Variants in NALF1 observed in about 807,000 individuals in gnomAD.
The protein encoded by NALF1 is family with sequence similarity 155 member A.
Under a neutral mutation model 48.4 loss-of-function variants are expected in NALF1, and 3 were observed. The ratio of observed to expected loss-of-function variants is 0.06; its 90% CI spans 0.03 to 0.16. NALF1 has a LOEUF of 0.16. Among genes scored for constraint, NALF1 ranks in the 10% least tolerant of loss-of-function variants. The pLI is 1.00. For synonymous variants in NALF1, 262 were observed against 245.7 expected (o/e 1.07, Z -0.62); for missense variants, 526 against 571.5 (o/e 0.92, Z 0.81).
chr13:107,459,380 G>A (rs1359662397), intron 1 of NALF1, among the ~76,000 whole-genome samples: 1 of 134,588 alleles, frequency 7.4e-6, no homozygotes, highest in Admixed American at 7.3e-5. Flanking sequence ...AGCTTTTAAG[G>A]TAAAACATAC....
At chr13:107,751,812 A>C (rs1876944882) in intron 1 of NALF1, among the ~76,000 whole-genome samples, 1 of 152,196 alleles carries the variant, frequency 6.6e-6, no homozygotes, top group Non-Finnish European at 1.5e-5. Context: ...CCAATGTTTT[A>C]CTATTGACTA....
intron 1 of NALF1, among the ~76,000 whole-genome samples, chr13:107,607,476 G>A (rs537891932): frequency 2.0e-5 from 3 of 152,154 alleles, no homozygotes; most frequent in African/African-American, 2.4e-5. Context: ...AAGGTTCTTC[G>A]AAACTAGTAG....
At chr13:107,775,211 C>T (rs931512739) in intron 1 of NALF1, among the ~76,000 whole-genome samples, 38 of 123,254 alleles carry the variant, frequency 3.1e-4, no homozygotes, top group African/African-American at 1.1e-3. Flanking sequence ...CCCCCTCCCC[C>T]CACCCCACAA....
chr13:107,261,899 G>A (rs1433166724), intron 1 of NALF1, among the ~76,000 whole-genome samples: 1 of 151,852 alleles, frequency 6.6e-6, no homozygotes, highest in Non-Finnish European at 1.5e-5. Context: ...CAAGGCACAG[G>A]TTTATAGGCA....
chr13:107,736,725 T>C (rs1442291523), intron 1 of NALF1, among the ~76,000 whole-genome samples: 1 of 152,150 alleles, frequency 6.6e-6, no homozygotes, highest in East Asian at 1.9e-4. Flanking sequence ...AGTTAACAAG[T>C]TACGGAAAAA....
Position 107,166,688 on chromosome 13 carries a change from TC to T in NALF1, c.*3808del, listed in dbSNP as rs1467305574. On this transcript the variant is annotated 3_prime_UTR_variant, in exon 3 of 3. Coordinates refer to ENST00000375915, the MANE Select transcript of NALF1 (RefSeq NM_001080396.3). ...ATTGCTTATTTCATTTATGTTTTTT[TC>T]CCCCGGAAAAAAGTATGTACTTATT... 3 of 152,208 alleles carry T rather than the reference TC, an allele frequency of 2.0e-5. No individual in the cohort carries two copies. Among genetic ancestry groups the T allele is most frequent in the Non-Finnish European group, 4.4e-5 (3 of 68,008 alleles). 9.4% of individuals were successfully genotyped at this position (152,208 alleles called of 1,614,324 possible). A position where few individuals can be genotyped will look rare whatever the true frequency, so the allele number is the denominator to read the frequency against.
chr13:107,781,145 G>T (rs1877874853), intron 1 of NALF1, among the ~76,000 whole-genome samples: 3 of 152,030 alleles, frequency 2.0e-5, no homozygotes, highest in Admixed American at 1.3e-4. Context: ...AATTAGTATT[G>T]TCTATGCTAA....
chr13:107,754,582 A>G (rs1450694128), intron 1 of NALF1, among the ~76,000 whole-genome samples: 1 of 152,064 alleles, frequency 6.6e-6, no homozygotes, highest in East Asian at 1.9e-4. Context: ...ACTTTCCAAA[A>G]TCTGTCTTGA....
At chr13:107,664,834 T>C (rs1880816360) in intron 1 of NALF1, among the ~76,000 whole-genome samples, 1 of 152,190 alleles carries the variant, frequency 6.6e-6, no homozygotes, top group Non-Finnish European at 1.5e-5. Context: ...CTACTGCAGT[T>C]TTCCCAGGGT....
rs78264462 is a variant in NALF1 at position 107,524,371 on chromosome 13, T to C, written c.916-313616A>G. ...GTTTGAGAGCTACTTCTTTGATTAT[T>C]CGAGAAGTCATTAAAATTAATGTAA... is the stretch of plus-strand genomic sequence containing the variant. On this transcript the variant is annotated intron_variant, in intron 1 of 2. Coordinates refer to ENST00000375915, the MANE Select transcript of NALF1 (RefSeq NM_001080396.3). Among the ~76,000 whole-genome samples, 830 of 152,206 alleles carry C rather than the reference T, an allele frequency of 5.5e-3. 9 individuals carry two copies. Among genetic ancestry groups the C allele is most frequent in the African/African-American group, 0.019 (797 of 41,544 alleles).
At chr13:107,217,052 T>C (rs376798501) in intron 1 of NALF1, among the ~76,000 whole-genome samples, 2 of 152,298 alleles carry the variant, frequency 1.3e-5, no homozygotes. Context: ...AGAGGCAACT[T>C]AGTTTTCTCT....
intron 1 of NALF1, among the ~76,000 whole-genome samples, chr13:107,432,856 A>G (rs1884404758): frequency 6.6e-6 from 1 of 152,190 alleles, no homozygotes; most frequent in Non-Finnish European, 1.5e-5. Flanking sequence ...TTGTGTGGCA[A>G]TAGTTAAGGT....
At chr13:107,525,601 A>T (rs1491000656) in intron 1 of NALF1, among the ~76,000 whole-genome samples, 1 of 152,130 alleles carries the variant, frequency 6.6e-6, no homozygotes. Flanking sequence ...GTATAAACAT[A>T]TATTTTTCTG....
At position 107,260,998 on chromosome 13, in the gene NALF1, T is replaced by C. The variant is rs748589461; in HGVS notation, c.916-50243A>G. Reference sequence around the variant, plus strand: ...GAAGATGGTTATCTCCACGGGCTTATTGGAGCCTGGGTTCCTGAATCACTT... The same window carrying C: ...GAAGATGGTTATCTCCACGGGCTTACTGGAGCCTGGGTTCCTGAATCACTT... On this transcript the variant is annotated intron_variant, in intron 1 of 2. Transcript: ENST00000375915. Among the ~76,000 whole-genome samples the C allele has an allele frequency of 3.9e-5, 6 of 152,332 alleles. No individual in the cohort carries two copies. The South Asian group carries it at 1.0e-3, about 26-fold the overall frequency.
intron 1 of NALF1, among the ~76,000 whole-genome samples, chr13:107,643,962 AT>A (rs35582790): frequency 0.019 from 2,664 of 138,012 alleles, 26 homozygotes; most frequent in African/African-American, 0.032. Flanking sequence ...GTTTCAGATG[AT>A]TTTTTTTTTT....
intron 1 of NALF1, among the ~76,000 whole-genome samples, chr13:107,857,961 T>C (rs559518729): frequency 6.6e-6 from 1 of 152,332 alleles, no homozygotes; most frequent in South Asian, 2.1e-4. Context: ...ATATTGAAAT[T>C]ATGAATTCAT....
intron 1 of NALF1, among the ~76,000 whole-genome samples, chr13:107,509,987 T>C (rs1875831898): frequency 6.6e-6 from 1 of 151,982 alleles, no homozygotes; most frequent in Non-Finnish European, 1.5e-5. Flanking sequence ...TTCATGTACT[T>C]CATAGAGATG....
chr13:107,782,055 C>CCCACGGTCTCCCTCTCCCTCTCTTT (rs1233771700), intron 1 of NALF1, among the ~76,000 whole-genome samples: 2 of 152,122 alleles, frequency 1.3e-5, no homozygotes, highest in African/African-American at 4.8e-5. Context: ...TCTCCCTCTC[C>CCCACGGTCTCCCTCTCCCTCTCTTT]CCACGGTCTC....
intron 1 of NALF1, among the ~76,000 whole-genome samples, chr13:107,466,929 C>T (rs148912669): frequency 1.1e-4 from 16 of 152,140 alleles, no homozygotes; most frequent in Admixed American, 7.9e-4. Context: ...GTGTGGAAAA[C>T]GGCTTCTTGC....
Sources: gnomAD v4.1 joint callset for allele counts (sites outside exome capture counted in the v4.1 genomes callset) on GRCh38, gnomAD v4.1.1 for gene constraint, MANE v1.5 for transcripts, NCBI Gene and HGNC (gene_info 2026-07-23, HGNC 2026-07-21) for gene names.